The following P3H2 variants were observed in gnomAD, a reference collection of about 807,000 sequenced individuals.
P3H2 encodes leprecan-like 1.
A neutral mutation model predicts 87.0 loss-of-function variants in P3H2; 80 were observed. That is an observed-to-expected ratio of 0.92 (90% CI 0.77 to 1.11). The LOEUF (loss-of-function observed/expected upper bound fraction) is 1.11. Ranked by LOEUF, P3H2 falls within the 50% of genes least tolerant of loss-of-function variation. P3H2 has a pLI of 0.00. For synonymous variants in P3H2, 367 were observed against 359.3 expected, an observed-to-expected ratio of 1.02 and a Z score of -0.24; for missense variants, 1,001 against 923.9, an observed-to-expected ratio of 1.08 and a Z score of -1.08.
chr3:190,117,123 C>T (rs556198766), intron 1 of P3H2, among the ~76,000 whole-genome samples: 2 of 152,236 alleles, frequency 1.3e-5, no homozygotes, highest in Non-Finnish European at 2.9e-5. Flanking sequence ...TGACTCCCAG[C>T]CCTGTGCTCA....
In P3H2 at chr3:189,970,839, CTG is replaced by C; in HGVS notation, c.1868_1869del (p.Thr623ArgfsTer5). 1 of 1,591,462 alleles carries C rather than the reference CTG, an allele frequency of 6.3e-7. No individual in the cohort carries two copies. The highest frequency in any genetic ancestry group is 8.6e-7 in the Non-Finnish European group (1 of 1,159,526). ...ACAGTCACAGTCTTAGCATCCATCTCTGTGAATATGAATTCTCCTCCTTCAAA... is the reference window on the plus strand; with the variant it reads ...ACAGTCACAGTCTTAGCATCCATCTCTGAATATGAATTCTCCTCCTTCAAA... The part of the protein sequence containing the change: ...DDFEGGEFIF[T>X]EMDAKTVTAS... On this transcript the variant is annotated frameshift_variant, in exon 13 of 15. Coordinates refer to ENST00000319332, the MANE Select transcript of P3H2 (RefSeq NM_018192.4). LOFTEE classifies it high-confidence loss of function.
At chr3:190,003,775 T>A (rs1724293467) in intron 1 of P3H2, among the ~76,000 whole-genome samples, 4 of 152,196 alleles carry the variant, frequency 2.6e-5, no homozygotes, top group Non-Finnish European at 5.9e-5. Flanking sequence ...ACTGAATAAC[T>A]GGGCAGGGAT....
chr3:189,981,757 C>A (rs1723542110), intron 8 of P3H2, among the ~76,000 whole-genome samples: 1 of 152,168 alleles, frequency 6.6e-6, no homozygotes, highest in Admixed American at 6.5e-5. Flanking sequence ...ACATTTACAG[C>A]AATGTGTTGG....
chr3:190,042,559 T>C (rs1250730439), intron 1 of P3H2, among the ~76,000 whole-genome samples: 1 of 152,184 alleles, frequency 6.6e-6, no homozygotes, highest in Non-Finnish European at 1.5e-5. Flanking sequence ...TATAAGATGT[T>C]AGTATATTTG....
At chr3:190,052,845 C>G in intron 1 of P3H2, among the ~76,000 whole-genome samples, 1 of 152,156 alleles carries the variant, frequency 6.6e-6, no homozygotes, top group Non-Finnish European at 1.5e-5. Context: ...ACACAGCGAT[C>G]AAGACAATGA....
chr3:190,061,246 G>A (rs563424208), intron 1 of P3H2, among the ~76,000 whole-genome samples: 2 of 152,142 alleles, frequency 1.3e-5, no homozygotes, highest in South Asian at 4.2e-4. Flanking sequence ...TGGACCTTAG[G>A]AGAGCATTTA....
At chr3:190,015,470 G>A (rs1408514337) in intron 1 of P3H2, among the ~76,000 whole-genome samples, 1 of 152,120 alleles carries the variant, frequency 6.6e-6, no homozygotes, top group Non-Finnish European at 1.5e-5. Context: ...AAGAATAACT[G>A]ATTCCAACCC....
At chr3:190,022,437 G>A (rs1168745107) in intron 1 of P3H2, among the ~76,000 whole-genome samples, 1 of 135,136 alleles carries the variant, frequency 7.4e-6, no homozygotes, top group African/African-American at 2.6e-5. Flanking sequence ...TAACTCTCAG[G>A]ATTCCATAAG....
At chr3:190,001,931 C>T (rs1186394889) in intron 1 of P3H2, among the ~76,000 whole-genome samples, 1 of 152,018 alleles carries the variant, frequency 6.6e-6, no homozygotes, top group Non-Finnish European at 1.5e-5. Context: ...TTAAAATTTA[C>T]AAAACATCAA....
At chr3:190,051,276 T>A (rs1399818525) in intron 1 of P3H2, among the ~76,000 whole-genome samples, 1 of 152,198 alleles carries the variant, frequency 6.6e-6, no homozygotes, top group African/African-American at 2.4e-5. Context: ...TTTGTCAGGA[T>A]GATGAACAAC....
intron 12 of P3H2, 70 bp from the exon 13 acceptor site, chr3:189,970,961 G>T: frequency 4.6e-6 from 4 of 870,920 alleles, no homozygotes; most frequent in Non-Finnish European, 7.9e-6. Context: ...GAATACTGAA[G>T]ACTGGTGATG....
At chr3:189,969,548 C>T in intron 13 of P3H2, 1 of 1,254,162 alleles carries the variant, frequency 8.0e-7, no homozygotes, top group South Asian at 1.2e-5. Context: ...GACAATATCG[C>T]CAGGTTGAAT....
intron 1 of P3H2, among the ~76,000 whole-genome samples, chr3:190,032,492 T>C (rs1235940196): frequency 6.6e-6 from 1 of 151,782 alleles, no homozygotes; most frequent in African/African-American, 2.4e-5. Flanking sequence ...AAGAGAAGGA[T>C]GAGAAAGAGG....
intron 1 of P3H2, among the ~76,000 whole-genome samples, chr3:190,074,935 TTC>T (rs1726819135): frequency 2.0e-5 from 3 of 152,246 alleles, no homozygotes. Flanking sequence ...TTGAAACTTC[TTC>T]TCTTAGTCAG....
At chr3:190,004,357 G>C (rs992155213) in intron 1 of P3H2, among the ~76,000 whole-genome samples, 1 of 152,118 alleles carries the variant, frequency 6.6e-6, no homozygotes, top group African/African-American at 2.4e-5. Context: ...TATTGACAAG[G>C]GTACGTTATG....
chr3:190,046,500 GGAGC>G (rs1725810586), intron 1 of P3H2, among the ~76,000 whole-genome samples: 1 of 152,188 alleles, frequency 6.6e-6, no homozygotes, highest in South Asian at 2.1e-4. Flanking sequence ...GATGAAGAGA[GGAGC>G]AGAGTTAGAG....
chr3:189,987,003 A>G (rs1723721922), intron 5 of P3H2, 126 bp from the exon 6 acceptor site: 2 of 702,666 alleles, frequency 2.8e-6, no homozygotes, highest in Non-Finnish European at 5.1e-6. Context: ...TCAGAACTGC[A>G]AGACTTGGCC....
chr3:189,997,262 C>T (rs571996315), intron 1 of P3H2, among the ~76,000 whole-genome samples: 8 of 152,226 alleles, frequency 5.3e-5, no homozygotes, highest in African/African-American at 1.2e-4. Context: ...CCTTGTGATC[C>T]GCCCACTTCA....
intron 1 of P3H2, among the ~76,000 whole-genome samples, chr3:190,117,649 T>G (rs1378295067): frequency 1.3e-5 from 2 of 151,304 alleles, no homozygotes; most frequent in Non-Finnish European, 2.9e-5. Flanking sequence ...TGAGAGGTTT[T>G]TTTTTTTTTT....
Sources: gnomAD v4.1 joint callset for allele counts (sites outside exome capture counted in the v4.1 genomes callset) on GRCh38, gnomAD v4.1.1 for gene constraint, MANE v1.5 for transcripts, NCBI Gene and HGNC (gene_info 2026-07-23, HGNC 2026-07-21) for gene names.